Variants in GNG7 observed in about 807,000 individuals in gnomAD.
GNG7 encodes the protein guanine nucleotide-binding protein G(I)/G(S)/G(O) subunit gamma-7.
In GNG7, 1 loss-of-function variant was observed where a neutral mutation model predicts 4.0. The observed-to-expected ratio is 0.25, with a 90% CI of 0.09 to 1.18. The LOEUF is 1.18. Among genes scored for constraint, GNG7 ranks in the 50% most tolerant of loss-of-function variants. The probability of loss-of-function intolerance (pLI) is 0.50; values close to 1 mark genes in which losing one functional copy is unlikely to be tolerated. For synonymous variants in GNG7, 34 were observed against 36.9 expected, an observed-to-expected ratio of 0.92 and a Z score of 0.29; for missense variants, 86 against 91.9, an observed-to-expected ratio of 0.94 and a Z score of 0.26.
chr19:2,663,353 CT>C (rs1487803681), intron 1 of GNG7, among the ~76,000 whole-genome samples: 153 of 148,992 alleles, frequency 1.0e-3, no homozygotes, highest in Non-Finnish European at 1.3e-3. Context: ...TCTCCCCCCC[CT>C]CCTCTTTCTT....
At chr19:2,661,670 TA>T (rs57483197) in intron 1 of GNG7, among the ~76,000 whole-genome samples, 1,899 of 108,552 alleles carry the variant, frequency 0.017, 12 homozygotes, top group African/African-American at 0.027. Context: ...GAGACTCCAT[TA>T]AAAAAAAAAA....
At chr19:2,524,833 T>C (rs1024638015) in intron 3 of GNG7, among the ~76,000 whole-genome samples, 7 of 152,206 alleles carry the variant, frequency 4.6e-5, no homozygotes, top group African/African-American at 1.7e-4. Context: ...TGTTGGCGTG[T>C]GTGTACGTCA....
chr19:2,577,764 T>G (rs903910988), intron 2 of GNG7, among the ~76,000 whole-genome samples: 5 of 151,784 alleles, frequency 3.3e-5, no homozygotes, highest in Admixed American at 2.6e-4. Flanking sequence ...TGTAAGCATT[T>G]GCTACATATT....
intron 1 of GNG7, among the ~76,000 whole-genome samples, chr19:2,664,415 G>T (rs756675451): frequency 2.0e-5 from 3 of 152,194 alleles, no homozygotes; most frequent in Non-Finnish European, 2.9e-5. Flanking sequence ...GGGACTGGGG[G>T]AGTGACGTGG....
chr19:2,607,930 C>T (rs905911403), intron 2 of GNG7, among the ~76,000 whole-genome samples: 1 of 152,012 alleles, frequency 6.6e-6, no homozygotes, highest in Non-Finnish European at 1.5e-5. Context: ...GCAGCAACAG[C>T]GGTTCCCTCC....
At chr19:2,667,784 G>A (rs1214450657) in intron 1 of GNG7, among the ~76,000 whole-genome samples, 1 of 152,004 alleles carries the variant, frequency 6.6e-6, no homozygotes, top group Non-Finnish European at 1.5e-5. Flanking sequence ...GCATGGTGGT[G>A]GGTGCCTGTA....
intron 3 of GNG7, among the ~76,000 whole-genome samples, chr19:2,529,324 C>A (rs1256837183): frequency 6.6e-6 from 1 of 152,234 alleles, no homozygotes; most frequent in East Asian, 1.9e-4. Context: ...TCAAGCGATT[C>A]TCTTGCCTCA....
chr19:2,682,655 CAAAAAAAAA>C lies in GNG7; in HGVS notation c.-135+19982_-135+19990del, dbSNP rs745799326. Among the ~76,000 whole-genome samples, 366 of 64,352 alleles carry C rather than the reference CAAAAAAAAA, an allele frequency of 5.7e-3. 5 individuals carry two copies. The highest frequency in any genetic ancestry group is 0.023 in the African/African-American group (308 of 13,614). The allele number at this position is 64,352 out of a possible 152,430, so 42.2% of individuals were successfully genotyped here. On this transcript the variant is annotated intron_variant, in intron 1 of 4. Transcript: ENST00000382159. ...TGGGCAACAGGGCGAGACTCCATCT[CAAAAAAAAA>C]AAAAAAAAAAAAAAAAGAAGAGCTA... is the stretch of plus-strand genomic sequence containing the variant.
chr19:2,526,212 C>T (rs533759297), intron 3 of GNG7, among the ~76,000 whole-genome samples: 7 of 151,608 alleles, frequency 4.6e-5, no homozygotes, highest in Admixed American at 6.6e-5. Context: ...TCTTGTGATC[C>T]GCCTGCCTCG....
chr19:2,554,626 C>A (rs1385693772), intron 3 of GNG7, among the ~76,000 whole-genome samples: 1 of 150,432 alleles, frequency 6.6e-6, no homozygotes, highest in Non-Finnish European at 1.5e-5. Flanking sequence ...ATGATCTTAG[C>A]TCACTGCAAC....
At chr19:2,538,751 T>C in intron 3 of GNG7, 1 of 432,600 alleles carries the variant, frequency 2.3e-6, no homozygotes, top group Non-Finnish European at 4.6e-6. Flanking sequence ...TCAGACTTCC[T>C]AGATATATAT....
chr19:2,520,000 C>T (rs1369549117), intron 4 of GNG7, among the ~76,000 whole-genome samples: 1 of 152,040 alleles, frequency 6.6e-6, no homozygotes, highest in Non-Finnish European at 1.5e-5. Context: ...GGCAACATGG[C>T]GAAACGCCGT....
chr19:2,654,861 C>A (rs1295068445), intron 1 of GNG7, among the ~76,000 whole-genome samples: 1 of 152,166 alleles, frequency 6.6e-6, no homozygotes, highest in East Asian at 1.9e-4. Context: ...TAAGCAGCAT[C>A]CCTGGCCTCC....
intron 1 of GNG7, among the ~76,000 whole-genome samples, chr19:2,688,410 G>A (rs1913051701): frequency 6.6e-6 from 1 of 152,220 alleles, no homozygotes; most frequent in African/African-American, 2.4e-5. Context: ...TGGGCTGGGA[G>A]AACCAGGTTA....
chr19:2,607,278 G>T (rs1981415401), intron 2 of GNG7, among the ~76,000 whole-genome samples: 1 of 151,042 alleles, frequency 6.6e-6, no homozygotes, highest in Non-Finnish European at 1.5e-5. Flanking sequence ...AGCACTTTGG[G>T]AGGTCGAGGC....
chr19:2,569,694 A>G (rs935924212), intron 2 of GNG7, among the ~76,000 whole-genome samples: 1 of 152,180 alleles, frequency 6.6e-6, no homozygotes, highest in African/African-American at 2.4e-5. Context: ...GGGTGGAGCC[A>G]TCCTGGGCAC....
At position 2,557,063 on chromosome 19, in the gene GNG7, GCACA is replaced by G. The variant is rs77088261; in HGVS notation, c.-77-1879_-77-1876del. ...CACGCACACTCACACACATATGCAC[GCACA>G]CAGACACACGCACACACGTGCACAC... On this transcript the variant is annotated intron_variant, in intron 2 of 4. Transcript: ENST00000382159. The surrounding 1 kb of genome is among the most constrained non-coding windows in gnomAD (Gnocchi z 5.1). Among the ~76,000 whole-genome samples the G allele has an allele frequency of 3.3e-5, 5 of 150,194 alleles. No individual in the cohort carries two copies. The highest frequency in any genetic ancestry group is 4.0e-4 in the East Asian group (2 of 5,056).
chr19:2,615,454 G>GT lies in GNG7; in HGVS notation c.-78+30769dup, dbSNP rs56036626. Among the ~76,000 whole-genome samples the GT allele has an allele frequency of 6.3e-4, 31 of 48,836 alleles. 1 individual carries two copies. The highest frequency in any genetic ancestry group is 1.9e-3 in the African/African-American group (23 of 11,836). The allele number at this position is 48,836 out of a possible 152,430, so 32.0% of individuals were successfully genotyped here. A position where few individuals can be genotyped will look rare whatever the true frequency, so the allele number is the denominator to read the frequency against. On this transcript the variant is annotated intron_variant, in intron 2 of 4. Transcript: ENST00000382159. The stretch of plus-strand genomic sequence containing the variant: ...CATCCTATTTTCTTTGTCTTTTCCG[G>GT]TTTTTTTTTTTTTTTTTTTTTTTTT...
intron 2 of GNG7, among the ~76,000 whole-genome samples, chr19:2,586,325 G>A (rs989151500): frequency 1.3e-5 from 2 of 152,214 alleles, no homozygotes; most frequent in Admixed American, 6.5e-5. Flanking sequence ...GGTGGCTGCT[G>A]GCATTCCCAC....
Sources: allele counts gnomAD v4.1 joint callset (sites outside exome capture counted in the v4.1 genomes callset), GRCh38; gene constraint gnomAD v4.1.1; non-coding constraint Gnocchi (gnomAD v3.1); transcripts MANE v1.5; gene names NCBI Gene and HGNC (gene_info 2026-07-23, HGNC 2026-07-21).